The following ERC1 variants were observed in gnomAD, a reference collection of about 807,000 sequenced individuals.
ERC1 encodes ELKS/RAB6-interacting/CAST family member 1, also known as RAB6 interacting protein 2.
In ERC1, 56 loss-of-function variants were observed where a neutral mutation model predicts 132.0. That is an observed-to-expected ratio of 0.42 (90% confidence interval 0.34 to 0.53). The LOEUF (loss-of-function observed/expected upper bound fraction) is 0.53. Ranked by LOEUF, ERC1 falls within the 20% of genes least tolerant of loss-of-function variation. The pLI is 0.03. For missense variants in ERC1, 1,202 were observed against 1,349.9 expected (o/e 0.89, Z 1.72); for synonymous variants, 478 against 476.1 (o/e 1.00, Z -0.05).
Position 1,402,504 on chromosome 12 carries a change from C to CAG in ERC1, c.2926-5635_2926-5634dup, listed in dbSNP as rs748553462. Reference sequence around the variant, plus strand: ...CACCACTGCACTCCAGCCTGGGTGACAGAGAGAGAGACTGTCTCAAAAAAA... The same window carrying CAG: ...CACCACTGCACTCCAGCCTGGGTGACAGAGAGAGAGAGACTGTCTCAAAAAAA... On this transcript the variant is annotated intron_variant, in intron 16 of 18. Transcript: ENST00000360905. Among the ~76,000 whole-genome samples the CAG allele has an allele frequency of 1.7e-4, 25 of 151,416 alleles. 1 individual carries two copies. The highest frequency in any genetic ancestry group is 7.8e-4 in the East Asian group (4 of 5,154).
intron 12 of ERC1, among the ~76,000 whole-genome samples, chr12:1,222,344 C>T (rs1277081611): frequency 6.6e-6 from 1 of 151,928 alleles, no homozygotes; most frequent in Admixed American, 6.6e-5. Context: ...ATTCTTGTGC[C>T]TCAGACTCCT....
At chr12:1,405,677 TG>T (rs751351860) in intron 16 of ERC1, among the ~76,000 whole-genome samples, 36 of 152,118 alleles carry the variant, frequency 2.4e-4, no homozygotes, top group Non-Finnish European at 4.1e-4. Context: ...CACTCCAGTC[TG>T]GGTGACAGAG....
chr12:1,073,936 C>T (rs1220235005), intron 2 of ERC1, among the ~76,000 whole-genome samples: 5 of 139,220 alleles, frequency 3.6e-5, no homozygotes, highest in Non-Finnish European at 6.2e-5. Flanking sequence ...GCATGATCTC[C>T]ACTCACTGCA....
At chr12:1,288,360 C>T (rs1216511492) in intron 14 of ERC1, among the ~76,000 whole-genome samples, 3 of 152,184 alleles carry the variant, frequency 2.0e-5, no homozygotes, top group South Asian at 2.1e-4. Flanking sequence ...GGTGATCCAC[C>T]GGCCTTGGCC....
chr12:1,225,473 C>CACACACAG (rs1566305190), intron 12 of ERC1, among the ~76,000 whole-genome samples: 78 of 151,630 alleles, frequency 5.1e-4, no homozygotes, highest in South Asian at 1.5e-3. Flanking sequence ...CACACACACA[C>CACACACAG]ACACACACAC....
intron 8 of ERC1, among the ~76,000 whole-genome samples, chr12:1,158,622 T>C (rs1374145656): frequency 1.5e-4 from 23 of 151,076 alleles, no homozygotes; most frequent in Non-Finnish European, 3.1e-4. Flanking sequence ...TTTTTTTTTT[T>C]TTATAGTTTT....
At chr12:1,364,704 A>G (rs1046047781) in intron 15 of ERC1, among the ~76,000 whole-genome samples, 5 of 152,168 alleles carry the variant, frequency 3.3e-5, no homozygotes, top group African/African-American at 1.2e-4. Context: ...CTACCTCAGC[A>G]TTTACTGCCC....
chr12:1,272,409 A>C (rs1311971162), intron 14 of ERC1, among the ~76,000 whole-genome samples: 1 of 152,072 alleles, frequency 6.6e-6, no homozygotes, highest in African/African-American at 2.4e-5. Context: ...GTTAAATTCT[A>C]ATTTACATAT....
At chr12:1,045,480 A>T (rs1338470685) in intron 2 of ERC1, among the ~76,000 whole-genome samples, 2 of 152,136 alleles carry the variant, frequency 1.3e-5, no homozygotes, top group Non-Finnish European at 2.9e-5. Context: ...ACTCTTATAG[A>T]TGCTAGTAAT....
chr12:1,440,082 A>G (rs2093060522), intron 17 of ERC1, among the ~76,000 whole-genome samples: 1 of 152,196 alleles, frequency 6.6e-6, no homozygotes. Flanking sequence ...ATACAATGTA[A>G]ATGATCAAAT....
chr12:1,274,281 C>G (rs2078087446), intron 14 of ERC1, among the ~76,000 whole-genome samples: 1 of 152,148 alleles, frequency 6.6e-6, no homozygotes, highest in African/African-American at 2.4e-5. Context: ...GAATACTTTA[C>G]TGAACCAAAT....
At position 1,102,807 on chromosome 12, in the gene ERC1, G is replaced by A. The variant is rs118172766; in HGVS notation, c.1087-1943G>A. Among the ~76,000 whole-genome samples the A allele has an allele frequency of 1.1e-4, 16 of 152,290 alleles. No individual in the cohort carries two copies. The East Asian group carries it at 3.1e-3, about 29-fold the overall frequency. On this transcript the variant is annotated intron_variant, in intron 3 of 18. Transcript: ENST00000360905. Reference sequence around the variant, plus strand: ...AAAAGTAGAGCGAAGTAAAGGGGAAGGACACATGCGTTCTTTTTTGGCTGT... The same window carrying A: ...AAAAGTAGAGCGAAGTAAAGGGGAAAGACACATGCGTTCTTTTTTGGCTGT...
At chr12:1,313,498 C>T (rs1313063955) in intron 15 of ERC1, among the ~76,000 whole-genome samples, 2 of 152,022 alleles carry the variant, frequency 1.3e-5, no homozygotes, top group African/African-American at 4.8e-5. Flanking sequence ...TTAATTCTAT[C>T]TATCCTAGAT....
chr12:1,218,833 TACACACAC>T (rs60378521), intron 12 of ERC1, among the ~76,000 whole-genome samples: 11 of 148,570 alleles, frequency 7.4e-5, no homozygotes, highest in South Asian at 2.2e-4. Context: ...TATATATATA[TACACACAC>T]ACACACACAC....
chr12:1,417,149 A>G (rs1020965562), intron 17 of ERC1, among the ~76,000 whole-genome samples: 2 of 152,090 alleles, frequency 1.3e-5, no homozygotes, highest in African/African-American at 4.8e-5. Flanking sequence ...TCTGCTTTTC[A>G]GGTTTCTCTT....
At chr12:1,489,505 T>C (rs917415695) in intron 18 of ERC1, among the ~76,000 whole-genome samples, 5 of 152,172 alleles carry the variant, frequency 3.3e-5, no homozygotes, top group Admixed American at 3.3e-4. Flanking sequence ...AGAGTAGCGC[T>C]CAATAAAGGT....
At chr12:1,363,543 CTTTTTTTTT>C (rs34769986) in intron 15 of ERC1, among the ~76,000 whole-genome samples, 3 of 94,344 alleles carry the variant, frequency 3.2e-5, no homozygotes, top group African/African-American at 7.9e-5. Context: ...TATTTCTTTC[CTTTTTTTTT>C]TTTTTTTTTT....
chr12:1,385,282 CTTTTT>C (rs1018096578), intron 16 of ERC1, among the ~76,000 whole-genome samples: 2 of 150,366 alleles, frequency 1.3e-5, no homozygotes, highest in South Asian at 4.2e-4. Context: ...ACCTTCCTAT[CTTTTT>C]TTTTTCTTTT....
intron 15 of ERC1, among the ~76,000 whole-genome samples, chr12:1,348,490 C>T (rs574381009): frequency 2.6e-5 from 4 of 152,032 alleles, no homozygotes; most frequent in Non-Finnish European, 4.4e-5. Context: ...AGTTCGAGAC[C>T]ATCCTGGCCA....
Sources: gnomAD v4.1 joint callset for allele counts (sites outside exome capture counted in the v4.1 genomes callset) on GRCh38, gnomAD v4.1.1 for gene constraint, MANE v1.5 for transcripts, NCBI Gene and HGNC (gene_info 2026-07-23, HGNC 2026-07-21) for gene names.